The following CACNA2D3 variants were observed in gnomAD, a reference collection of about 807,000 sequenced individuals.
CACNA2D3 encodes the protein calcium voltage-gated channel auxiliary subunit alpha2delta 3.
CACNA2D3 carries 60 observed loss-of-function variants against 160.6 expected under a neutral mutation model. That is an observed-to-expected ratio of 0.37 (90% CI 0.30 to 0.46). The LOEUF (loss-of-function observed/expected upper bound fraction) is 0.46. Among genes scored for constraint, CACNA2D3 ranks in the 20% least tolerant of loss-of-function variants. CACNA2D3 has a pLI of 1.00. For synonymous variants in CACNA2D3, 558 were observed against 492.9 expected (o/e 1.13, Z -1.75); for missense variants, 1,205 against 1,365.0 (o/e 0.88, Z 1.85).
intron 4 of CACNA2D3, among the ~76,000 whole-genome samples, chr3:54,452,070 G>T (rs1700316602): frequency 6.6e-6 from 1 of 152,132 alleles, no homozygotes; most frequent in African/African-American, 2.4e-5. Flanking sequence ...GCGACATTCT[G>T]TTCATGAAAA....
intron 27 of CACNA2D3, among the ~76,000 whole-genome samples, chr3:54,949,786 C>A (rs145961312): frequency 7.7e-6 from 1 of 130,268 alleles, no homozygotes; most frequent in Non-Finnish European, 1.7e-5. Context: ...CATCCTTAGG[C>A]TCCTGGATGG....
rs540780346 is a variant in CACNA2D3, at chr3:54,984,084, T to A, written c.2557-524T>A. 2.9e-4 allele frequency among the ~76,000 whole-genome samples: 44 copies of A among 152,314 alleles called. 2 individuals carry two copies. In the South Asian group the frequency reaches 8.7e-3, roughly 30 times the overall value. On this transcript the variant is annotated intron_variant, in intron 29 of 37. Coordinates refer to ENST00000474759, the MANE Select transcript of CACNA2D3 (RefSeq NM_018398.3). ...CTGAGGGGCCCCTTTAACAGAAGTCTGCCCCTTCCCCCCTGCCTCAGTCTA... is the reference window on the plus strand; with the variant it reads ...CTGAGGGGCCCCTTTAACAGAAGTCAGCCCCTTCCCCCCTGCCTCAGTCTA...
chr3:54,326,740 G>A (rs1052269018), intron 3 of CACNA2D3, among the ~76,000 whole-genome samples: 2 of 152,164 alleles, frequency 1.3e-5, no homozygotes, highest in African/African-American at 4.8e-5. Flanking sequence ...CTCAGGCAGT[G>A]GAGGTATATA....
At chr3:54,932,596 G>A (rs1322678086) in intron 27 of CACNA2D3, among the ~76,000 whole-genome samples, 2 of 152,210 alleles carry the variant, frequency 1.3e-5, no homozygotes, top group Non-Finnish European at 2.9e-5. Context: ...AATATAGCAT[G>A]CCTAGAGTTT....
At chr3:54,838,762 T>C (rs1402406763) in intron 16 of CACNA2D3, 114 bp downstream of exon 16, 1 of 773,686 alleles carries the variant, frequency 1.3e-6, no homozygotes. Flanking sequence ...TCACCACTAT[T>C]ACAGCCTGTT....
intron 30 of CACNA2D3, among the ~76,000 whole-genome samples, chr3:54,987,290 A>G (rs1051349750): frequency 6.6e-6 from 1 of 152,194 alleles, no homozygotes; most frequent in Admixed American, 6.5e-5. Flanking sequence ...AATTCTTTTT[A>G]TTAGTGCTTA....
At chr3:54,376,321 A>G (rs1699011884) in intron 3 of CACNA2D3, among the ~76,000 whole-genome samples, 1 of 151,708 alleles carries the variant, frequency 6.6e-6, no homozygotes, top group Non-Finnish European at 1.5e-5. Flanking sequence ...CACTCCTTTA[A>G]CCCCAGCTTA....
intron 4 of CACNA2D3, among the ~76,000 whole-genome samples, chr3:54,456,043 G>A (rs905731547): frequency 3.3e-5 from 5 of 152,034 alleles, no homozygotes; most frequent in African/African-American, 1.2e-4. Flanking sequence ...ACTCTTATAT[G>A]GTTCTATCCA....
chr3:54,422,767 A>C (rs1559477360), intron 4 of CACNA2D3, among the ~76,000 whole-genome samples: 1 of 152,178 alleles, frequency 6.6e-6, no homozygotes, highest in Non-Finnish European at 1.5e-5. Context: ...AGAAGATTTT[A>C]AAACTAAAAA....
At chr3:54,725,715 C>A (rs947692275) in intron 11 of CACNA2D3, among the ~76,000 whole-genome samples, 5 of 152,152 alleles carry the variant, frequency 3.3e-5, no homozygotes, top group Non-Finnish European at 5.9e-5. Context: ...TTCAACACCC[C>A]TTCATGCCCA....
At chr3:54,297,912 A>G (rs1183215131) in intron 2 of CACNA2D3, among the ~76,000 whole-genome samples, 3 of 152,160 alleles carry the variant, frequency 2.0e-5, no homozygotes, top group Non-Finnish European at 4.4e-5. Flanking sequence ...GACCACTAGC[A>G]TTAGTATCAC....
chr3:54,662,621 G>A (rs903219977), intron 11 of CACNA2D3, among the ~76,000 whole-genome samples: 11 of 152,336 alleles, frequency 7.2e-5, no homozygotes, highest in African/African-American at 2.6e-4. Context: ...CTCAGCCTCA[G>A]GCCAGCAAGT....
chr3:54,759,951 C>A (rs535005314), intron 12 of CACNA2D3, among the ~76,000 whole-genome samples: 1 of 152,350 alleles, frequency 6.6e-6, no homozygotes, highest in East Asian at 1.9e-4. Flanking sequence ...TGAGCACATG[C>A]TTTGGGCCAT....
intron 4 of CACNA2D3, among the ~76,000 whole-genome samples, chr3:54,474,396 CA>C (rs1700791269): frequency 6.6e-6 from 1 of 150,894 alleles, no homozygotes; most frequent in Non-Finnish European, 1.5e-5. Flanking sequence ...CGGGGCCTGT[CA>C]GGGGGTGGGG....
chr3:54,690,277 C>A (rs2106930977), intron 11 of CACNA2D3, among the ~76,000 whole-genome samples: 1 of 152,248 alleles, frequency 6.6e-6, no homozygotes, highest in East Asian at 1.9e-4. Flanking sequence ...CCAAATGCTT[C>A]TCAATTTGCT....
chr3:54,677,673 C>T (rs1700269190), intron 11 of CACNA2D3, among the ~76,000 whole-genome samples: 1 of 150,922 alleles, frequency 6.6e-6, no homozygotes, highest in Admixed American at 6.6e-5. Context: ...GAATATGTTA[C>T]AAATCATGTT....
chr3:54,322,223 T>C (rs988136230), intron 3 of CACNA2D3, among the ~76,000 whole-genome samples: 1 of 152,214 alleles, frequency 6.6e-6, no homozygotes, highest in African/African-American at 2.4e-5. Flanking sequence ...AGACATGGGC[T>C]CTGAAAGTAG....
intron 2 of CACNA2D3, among the ~76,000 whole-genome samples, chr3:54,240,175 G>A (rs1388121101): frequency 6.6e-6 from 1 of 152,158 alleles, no homozygotes; most frequent in African/African-American, 2.4e-5. Flanking sequence ...CATCAAGACA[G>A]GAGAAAAGAA....
At chr3:55,034,150 G>T (rs574847906) in intron 35 of CACNA2D3, among the ~76,000 whole-genome samples, 4 of 151,732 alleles carry the variant, frequency 2.6e-5, no homozygotes, top group Non-Finnish European at 5.9e-5. Flanking sequence ...CTCTGGAGAT[G>T]TGAAACCAAA....
Sources: allele counts gnomAD v4.1 joint callset (sites outside exome capture counted in the v4.1 genomes callset), GRCh38; gene constraint gnomAD v4.1.1; transcripts MANE v1.5; gene names NCBI Gene and HGNC (gene_info 2026-07-23, HGNC 2026-07-21).